DZIP3: variants seen among roughly 807,000 people sequenced by gnomAD.
The protein encoded by DZIP3 is E3 ubiquitin-protein ligase DZIP3.
DZIP3 carries 118 observed loss-of-function variants against 162.0 expected under a neutral mutation model. That is an observed-to-expected ratio of 0.73 (90% CI 0.63 to 0.85). The LOEUF is 0.85. Among genes scored for constraint, DZIP3 ranks in the 40% least tolerant of loss-of-function variants. DZIP3 has a pLI of 0.00. For missense variants in DZIP3, 1,331 were observed against 1,407.0 expected, an observed-to-expected ratio of 0.95 and a Z score of 0.86; for synonymous variants, 438 against 458.6, an observed-to-expected ratio of 0.96 and a Z score of 0.57.
intron 27 of DZIP3, among the ~76,000 whole-genome samples, chr3:108,685,106 G>A (rs1439364728): frequency 1.3e-5 from 2 of 151,982 alleles, no homozygotes; most frequent in Non-Finnish European, 2.9e-5. Flanking sequence ...TGGTCAGGTG[G>A]ACTCTGCTTA....
chr3:108,689,521 A>C (rs964531249), intron 31 of DZIP3, among the ~76,000 whole-genome samples: 12 of 152,046 alleles, frequency 7.9e-5, no homozygotes, highest in Non-Finnish European at 1.8e-4. Flanking sequence ...ATCTCTACTA[A>C]AAATACAGAA....
At chr3:108,594,708 C>T (rs1404439599) in intron 1 of DZIP3, among the ~76,000 whole-genome samples, 1 of 151,976 alleles carries the variant, frequency 6.6e-6, no homozygotes, top group Non-Finnish European at 1.5e-5. Flanking sequence ...GATTTTCTTG[C>T]ATTAATTTGC....
intron 32 of DZIP3, chr3:108,691,185 T>G (rs1201442905): frequency 4.3e-6 from 1 of 231,068 alleles, no homozygotes; most frequent in African/African-American, 2.3e-5. Context: ...TGTTTTTTCT[T>G]GTCTTTTTAA....
intron 10 of DZIP3, among the ~76,000 whole-genome samples, chr3:108,636,120 T>G (rs2107615580): frequency 6.6e-6 from 1 of 152,140 alleles, no homozygotes; most frequent in South Asian, 2.1e-4. Flanking sequence ...TTATTCATTT[T>G]TAAGTGGTAT....
chr3:108,694,573 ACCAT>A lies in DZIP3; in HGVS notation c.*1222_*1225del, dbSNP rs1944805610. ...GTGCAGGGAAACTCCCATTTTTAAA[ACCAT>A]CAGATCTCATGAGGCTTACTATCAC... On this transcript the variant is annotated 3_prime_UTR_variant, in exon 33 of 33. Coordinates refer to ENST00000361582, the MANE Select transcript of DZIP3 (RefSeq NM_014648.4). 6.4e-6 allele frequency: 1 copy of A among 156,036 alleles called. No homozygotes were observed. The highest frequency in any genetic ancestry group is 1.4e-5 in the Non-Finnish European group (1 of 71,290). 9.7% of individuals were successfully genotyped at this position (156,036 alleles called of 1,614,324 possible). A position where few individuals can be genotyped will look rare whatever the true frequency, so the allele number is the denominator to read the frequency against.
intron 19 of DZIP3, among the ~76,000 whole-genome samples, chr3:108,661,444 A>G (rs1445263182): frequency 6.6e-6 from 1 of 152,170 alleles, no homozygotes; most frequent in Non-Finnish European, 1.5e-5. Flanking sequence ...ATGAGAACAC[A>G]TGGACACAGG....
intron 18 of DZIP3, among the ~76,000 whole-genome samples, chr3:108,653,507 GTATATATATATATA>G (rs57047978): frequency 0.015 from 1,590 of 104,622 alleles, 44 homozygotes; most frequent in African/African-American, 0.05. Context: ...GTGTGTGTGT[GTATATATATATATA>G]TATATATATA....
At chr3:108,674,298 G>C (rs1156450264) in intron 24 of DZIP3, 117 bp downstream of exon 24, 1 of 795,512 alleles carries the variant, frequency 1.3e-6, no homozygotes, top group African/African-American at 1.8e-5. Context: ...TCTTAAAGAA[G>C]CTCTTGTGGT....
At chr3:108,658,443 G>A (rs1484132883) in intron 19 of DZIP3, among the ~76,000 whole-genome samples, 1 of 152,032 alleles carries the variant, frequency 6.6e-6, no homozygotes, top group African/African-American at 2.4e-5. Flanking sequence ...TGAAACCAAC[G>A]AGAACAAAGA....
At chr3:108,589,984 A>G (rs1279709726) in intron 1 of DZIP3, 145 bp downstream of exon 1, 1 of 152,230 alleles carries the variant, frequency 6.6e-6, no homozygotes, top group African/African-American at 2.4e-5. Flanking sequence ...TTATGTGGCA[A>G]ATTAGTCATG....
intron 4 of DZIP3, among the ~76,000 whole-genome samples, chr3:108,615,077 G>A (rs1461129528): frequency 6.6e-6 from 1 of 152,124 alleles, no homozygotes; most frequent in Non-Finnish European, 1.5e-5. Flanking sequence ...TTTCCCCCAA[G>A]CCTTGCAAAT....
rs1365082115 is a variant in DZIP3 at position 108,611,247 on chromosome 3, A to T, written c.176A>T (p.Asn59Ile). 6.2e-7 allele frequency: 1 copy of T among 1,611,214 alleles called. No individual in the cohort carries two copies. The highest frequency in any genetic ancestry group is 1.7e-5 in the Admixed American group (1 of 59,586). Residue 59 changes from asparagine to isoleucine, a missense_variant, in exon 4 of 33, where the codon AAT becomes ATT. Transcript: ENST00000361582. The stretch of plus-strand genomic sequence containing the variant: ...CTATTAGAAGTGAAGAAGTTATTAA[A>T]TGCAATTAATACTCTACCAAAAGGT... ...NLLLEVKKLL[N>I]AINTLPKGVV...
intron 21 of DZIP3, among the ~76,000 whole-genome samples, chr3:108,668,954 T>C (rs1345309932): frequency 3.9e-5 from 6 of 152,016 alleles, no homozygotes; most frequent in East Asian, 1.9e-4. Flanking sequence ...TTACTAGGTT[T>C]ATGTAAAAGC....
Position 108,591,028 on chromosome 3 carries a change from A to G in DZIP3, c.-73+1189A>G, listed in dbSNP as rs539706576. Among the ~76,000 whole-genome samples, 3 of 152,342 alleles carry G rather than the reference A, an allele frequency of 2.0e-5. No individual in the cohort carries two copies. The South Asian group carries it at 6.2e-4, about 32-fold the overall frequency. ...TATAAAGAGAAAAATAGACGTTATTACTCTAGAATAATGTTGGTAATTGAT... is the reference window on the plus strand; with the variant it reads ...TATAAAGAGAAAAATAGACGTTATTGCTCTAGAATAATGTTGGTAATTGAT... On this transcript the variant is annotated intron_variant, in intron 1 of 32. Transcript: ENST00000361582.
intron 1 of DZIP3, among the ~76,000 whole-genome samples, chr3:108,595,008 T>C (rs1330408181): frequency 1.3e-5 from 2 of 152,252 alleles, no homozygotes; most frequent in Admixed American, 6.5e-5. Context: ...CTAATAGTCA[T>C]TTATTCATCA....
chr3:108,625,577 A>G (rs1395657452), intron 6 of DZIP3, among the ~76,000 whole-genome samples: 3 of 152,174 alleles, frequency 2.0e-5, no homozygotes, highest in African/African-American at 7.2e-5. Context: ...TTAGATACAC[A>G]AATTTTTGTT....
intron 31 of DZIP3, among the ~76,000 whole-genome samples, chr3:108,690,289 T>C (rs1014703490): frequency 5.3e-5 from 8 of 152,168 alleles, no homozygotes; most frequent in Admixed American, 2.6e-4. Flanking sequence ...TTCAAGCAAG[T>C]GACTTAACAG....
Position 108,637,565 on chromosome 3 carries a change from A to G in DZIP3, c.1064+17A>G. 6.2e-7 allele frequency: 1 copy of G among 1,600,520 alleles called. No individual in the cohort carries two copies. Among genetic ancestry groups the G allele is most frequent in the African/African-American group, 1.3e-5 (1 of 74,502 alleles). On this transcript the variant is annotated intron_variant, in intron 12 of 32. Coordinates refer to ENST00000361582, the MANE Select transcript of DZIP3 (RefSeq NM_014648.4). ...AGGAGCAAGGTAAGCTTAAAATAAAATACTCTGTTACCTTTTTTGGAATAT... is the reference window on the plus strand; with the variant it reads ...AGGAGCAAGGTAAGCTTAAAATAAAGTACTCTGTTACCTTTTTTGGAATAT...
intron 6 of DZIP3, among the ~76,000 whole-genome samples, chr3:108,624,878 A>G (rs1386470161): frequency 6.6e-6 from 1 of 152,126 alleles, no homozygotes; most frequent in Non-Finnish European, 1.5e-5. Context: ...GTTCTGTTGA[A>G]TTTAACATTT....
Sources: gnomAD v4.1 joint callset for allele counts (sites outside exome capture counted in the v4.1 genomes callset) on GRCh38, gnomAD v4.1.1 for gene constraint, MANE v1.5 for transcripts, NCBI Gene and HGNC (gene_info 2026-07-23, HGNC 2026-07-21) for gene names.